SMO: variants seen among roughly 807,000 people sequenced by gnomAD.
The protein encoded by SMO is smoothened, frizzled class receptor.
SMO carries 40 observed loss-of-function variants against 81.6 expected under a neutral mutation model. The ratio of observed to expected loss-of-function variants is 0.49; its 90% CI spans 0.38 to 0.64. The LOEUF is 0.64. Ranked by LOEUF, SMO falls within the 30% of genes least tolerant of loss-of-function variation. The probability of loss-of-function intolerance (pLI) is 0.00; values close to 1 mark genes in which losing one functional copy is unlikely to be tolerated. For synonymous variants in SMO, 434 were observed against 432.1 expected, an observed-to-expected ratio of 1.00 and a Z score of -0.05; for missense variants, 916 against 1,061.1, an observed-to-expected ratio of 0.86 and a Z score of 1.90.
chr7:129,190,038 G>A (rs1237467516), intron 1 of SMO, among the ~76,000 whole-genome samples: 1 of 152,194 alleles, frequency 6.6e-6, no homozygotes, highest in African/African-American at 2.4e-5. Context: ...TTGGGAGACA[G>A]GAATGAAGCC....
At position 129,208,864 on chromosome 7, in the gene SMO, G is replaced by T; in HGVS notation, c.1357+13G>T. 1 of 1,596,636 alleles carries T rather than the reference G, an allele frequency of 6.3e-7. No homozygotes were observed. The highest frequency in any genetic ancestry group is 8.6e-7 in the Non-Finnish European group (1 of 1,165,630). ...ATGCTGCGCCTGGGTGAGTGGCCCC[G>T]GGGGACTTCGGTCTGAGGTCCTGGC... On this transcript the variant is annotated intron_variant, in intron 7 of 11. Coordinates refer to ENST00000249373, the MANE Select transcript of SMO (RefSeq NM_005631.5). This position sits in a 1 kb window ranked among gnomAD's most constrained non-coding sequence, Gnocchi z 5.2.
intron 1 of SMO, among the ~76,000 whole-genome samples, chr7:129,194,357 G>A (rs1197363034): frequency 6.6e-6 from 1 of 152,080 alleles, no homozygotes; most frequent in Non-Finnish European, 1.5e-5. Flanking sequence ...CATGTGTTCT[G>A]TGCCAGCTCA....
intron 1 of SMO, among the ~76,000 whole-genome samples, chr7:129,199,893 T>G (rs536118281): frequency 6.6e-6 from 1 of 152,236 alleles, no homozygotes; most frequent in African/African-American, 2.4e-5. Flanking sequence ...TGATCTGTTA[T>G]TTGTCTTTCG....
At chr7:129,201,841 C>T (rs772027139) in intron 1 of SMO, among the ~76,000 whole-genome samples, 16 of 151,932 alleles carry the variant, frequency 1.1e-4, no homozygotes, top group Non-Finnish European at 1.8e-4. Context: ...CCACCACGAC[C>T]GGCTAATTTT....
Position 129,205,697 on chromosome 7 carries a change from A to C in SMO, c.835A>C (p.Ile279Leu), listed in dbSNP as rs868692725. 1.2e-6 allele frequency: 2 copies of C among 1,613,566 alleles called. No homozygotes were observed. The highest frequency in any genetic ancestry group is 2.7e-5 in the African/African-American group (2 of 75,050). ...YVNACFFVGS[I>L]GWLAQFMDGA... ...CAATGCGTGCTTCTTTGTGGGCAGC[A>C]TTGGCTGGCTGGCCCAGTTCATGGA... Residue 279 changes from isoleucine (I) to leucine (L), a missense_variant, in exon 4 of 12, where the codon ATT becomes CTT. Physicochemically the swap from Ile to Leu is conservative, Grantham distance 5. Around this residue, in one of 4 missense-constraint regions of SMO, gnomAD observed 436 missense variants for 570.9 expected, o/e 0.76. Coordinates refer to ENST00000249373, the MANE Select transcript of SMO (RefSeq NM_005631.5).
chr7:129,196,878 A>G (rs1018089504), intron 1 of SMO, among the ~76,000 whole-genome samples: 3 of 151,922 alleles, frequency 2.0e-5, no homozygotes, highest in African/African-American at 4.8e-5. Flanking sequence ...TTAGTCGGGC[A>G]TGGTGGCGGG....
rs2150654731 is a variant in SMO at position 129,211,047 on chromosome 7, C to G, written c.1735C>G (p.Leu579Val). Residue 579 changes from leucine to valine, a missense_variant, in exon 10 of 12, where the codon CTC (leucine) becomes GTC (valine). Physicochemically the swap from Leu to Val is conservative, Grantham distance 32. Transcript: ENST00000249373. This position sits in a 1 kb window ranked among gnomAD's most constrained non-coding sequence, Gnocchi z 4.6. ...CAAGGCCTTCTCTAAGCGGCACGAGCTCCTGCAGAACCCAGGCCAGGAGCT... is the reference window on the plus strand; with the variant it reads ...CAAGGCCTTCTCTAAGCGGCACGAGGTCCTGCAGAACCCAGGCCAGGAGCT... ...IAKAFSKRHE[L>V]LQNPGQELSF... The G allele has an allele frequency of 6.2e-7, 1 of 1,614,050 alleles. No homozygotes were observed. The highest frequency in any genetic ancestry group is 8.5e-7 in the Non-Finnish European group (1 of 1,179,954).
chr7:129,189,120 C>G lies in SMO; in HGVS notation c.-32C>G. Reference sequence around the variant, plus strand: ...GGGCTCCGAGGAGCAGGCGGGGGCGCCGGGGCTTTTGCTGAGTTGGCGGGG... The same window carrying G: ...GGGCTCCGAGGAGCAGGCGGGGGCGGCGGGGCTTTTGCTGAGTTGGCGGGG... On this transcript the variant is annotated 5_prime_UTR_variant, in exon 1 of 12. Transcript: ENST00000249373. This position sits in a 1 kb window ranked among gnomAD's most constrained non-coding sequence, Gnocchi z 4.7. The G allele has an allele frequency of 8.3e-7, 1 of 1,204,024 alleles. No homozygotes were observed. Among genetic ancestry groups the G allele is most frequent in the Middle Eastern group, 3.2e-4 (1 of 3,106 alleles). The allele number at this position is 1,204,024 out of a possible 1,614,324, so 74.6% of individuals were successfully genotyped here. A position where few individuals can be genotyped will look rare whatever the true frequency, so the allele number is the denominator to read the frequency against.
intron 1 of SMO, among the ~76,000 whole-genome samples, chr7:129,192,325 C>T (rs950781770): frequency 1.3e-5 from 2 of 151,838 alleles, no homozygotes; most frequent in Non-Finnish European, 2.9e-5. Context: ...TGGATCAAAG[C>T]GTGTGAGGGG....
rs2150648241 is a variant in SMO at position 129,205,280 on chromosome 7, C to T, written c.615C>T (p.Ser205=). Residue 205 remains serine (S), a synonymous_variant, in exon 3 of 12, where the codon AGC becomes AGT. Transcript: ENST00000249373. ...TGGTTCGGACAGACAACCCCAAGAG[C>T]TGGTACGAGGACGTGGAGGGCTGCG... is the stretch of plus-strand genomic sequence containing the variant. The part of the protein sequence containing the change: ...VPLVRTDNPK[S]WYEDVEGCGI... 1 of 1,614,238 alleles carries T rather than the reference C, an allele frequency of 6.2e-7. No homozygotes were observed. The highest frequency in any genetic ancestry group is 2.2e-5 in the East Asian group (1 of 44,890).
Position 129,208,985 on chromosome 7 carries a change from T to A in SMO, c.1357+134T>A. ...CATAGGGACAAGGACAAGGGGTGTG[T>A]GTAGGTGGTAGTGGTAGTGGCAGCT... is the stretch of plus-strand genomic sequence containing the variant. On this transcript the variant is annotated intron_variant, in intron 7 of 11. Transcript: ENST00000249373. This position sits in a 1 kb window ranked among gnomAD's most constrained non-coding sequence, Gnocchi z 5.2. 1 of 670,990 alleles carries A rather than the reference T, an allele frequency of 1.5e-6. No homozygotes were observed. Among genetic ancestry groups the A allele is most frequent in the Non-Finnish European group, 2.7e-6 (1 of 374,212 alleles). The allele number at this position is 670,990 out of a possible 1,614,324, so 41.6% of individuals were successfully genotyped here.
chr7:129,193,758 C>CA lies in SMO; in HGVS notation c.331+4304dup, dbSNP rs35934044. On this transcript the variant is annotated intron_variant, in intron 1 of 11. Coordinates refer to ENST00000249373, the MANE Select transcript of SMO (RefSeq NM_005631.5). ...TGGGCGACAGACCGAGACTCCATCT[C>CA]AAAAAAAAAAAAAAAAAAAAAAAAA... is the stretch of plus-strand genomic sequence containing the variant. Among the ~76,000 whole-genome samples, 59 of 7,454 alleles carry CA rather than the reference C, an allele frequency of 7.9e-3. 11 individuals are homozygous for CA. The highest frequency in any genetic ancestry group is 0.03 in the East Asian group (2 of 66). 4.9% of individuals were successfully genotyped at this position (7,454 alleles called of 152,430 possible).
In SMO at chr7:129,189,241, G is replaced by A. The variant is rs1052880981; in HGVS notation, c.90G>A (p.Ala30=). 1.4e-5 allele frequency: 17 copies of A among 1,202,792 alleles called. No individual in the cohort carries two copies. The highest frequency in any genetic ancestry group is 4.3e-5 in the Admixed American group (1 of 23,162). 74.5% of individuals were successfully genotyped at this position (1,202,792 alleles called of 1,614,324 possible). ...TGCTGGGGGACCCGGGCCGGGGGGC[G>A]GCCTCGAGCGGGAACGCGACCGGGC... ...LLLLGDPGRG[A]ASSGNATGPG... The change falls in exon 1 of 12, where the codon GCG becomes GCA. Residue 30 remains alanine (A), a synonymous_variant. Coordinates refer to ENST00000249373, the MANE Select transcript of SMO (RefSeq NM_005631.5). The surrounding 1 kb of genome is among the most constrained non-coding windows in gnomAD (Gnocchi z 4.7).
In SMO at chr7:129,212,116, A is replaced by G. The variant is rs761036817; in HGVS notation, c.2029A>G (p.Lys677Glu). 1.3e-5 allele frequency: 21 copies of G among 1,569,534 alleles called. No individual in the cohort carries two copies. Among genetic ancestry groups the G allele is most frequent in the Non-Finnish European group, 1.8e-5 (21 of 1,158,614 alleles). The change falls in exon 12 of 12, where the codon AAG becomes GAG. Residue 677 changes from lysine to glutamate, a missense_variant. Lys to Glu is a moderately conservative substitution (Grantham distance 56, BLOSUM62 1). Transcript: ENST00000249373. This position sits in a 1 kb window ranked among gnomAD's most constrained non-coding sequence, Gnocchi z 5.0. Reference protein sequence around the residue: ...KRLGRKKKRRKRKKEVCPLAP... With the variant: ...KRLGRKKKRRERKKEVCPLAP... ...CCTGGGCCGGAAGAAGAAGAGGAGG[A>G]AGAGGAAGAAGGAGGTGTGCCCGCT...
rs147968994 is a variant in SMO at position 129,212,316 on chromosome 7, C to A, written c.2229C>A (p.Pro743=). The change falls in exon 12 of 12, where the codon CCC becomes CCA. Residue 743 remains proline, a synonymous_variant. Coordinates refer to ENST00000249373, the MANE Select transcript of SMO (RefSeq NM_005631.5). This position sits in a 1 kb window ranked among gnomAD's most constrained non-coding sequence, Gnocchi z 5.0. ...VSNPFCPEPS[P]PQDPFLPSAP... is the part of the protein sequence containing the mutation. ...ACCCATTCTGCCCAGAGCCCAGTCC[C>A]CCTCAGGATCCATTTCTGCCCAGTG... 56 of 1,614,068 alleles carry A rather than the reference C, an allele frequency of 3.5e-5. No homozygotes were observed. Among genetic ancestry groups the A allele is most frequent in the Non-Finnish European group, 4.5e-5 (53 of 1,180,034 alleles).
At chr7:129,201,773 T>C (rs1793674368) in intron 1 of SMO, among the ~76,000 whole-genome samples, 1 of 152,044 alleles carries the variant, frequency 6.6e-6, no homozygotes, top group Non-Finnish European at 1.5e-5. Context: ...CTCCACCTCC[T>C]AGGTTCAAGC....
At chr7:129,200,228 T>A (rs1040528509) in intron 1 of SMO, among the ~76,000 whole-genome samples, 1 of 151,958 alleles carries the variant, frequency 6.6e-6, no homozygotes, top group Non-Finnish European at 1.5e-5. Flanking sequence ...CCATCCTGGC[T>A]AACACGGTGA....
chr7:129,195,903 C>T (rs188018910), intron 1 of SMO, among the ~76,000 whole-genome samples: 156 of 152,022 alleles, frequency 1.0e-3, no homozygotes, highest in African/African-American at 3.5e-3. Context: ...AAGTCGAGAC[C>T]ATCCTGGCTA....
chr7:129,211,152 C>T lies in SMO; in HGVS notation c.1801+39C>T, dbSNP rs202007725. ...CTCCTCTACCGGAGCCGCCTGGCCCCGCGCTGCCCATGTGCTAGTCTCTCC... is the reference window on the plus strand; with the variant it reads ...CTCCTCTACCGGAGCCGCCTGGCCCTGCGCTGCCCATGTGCTAGTCTCTCC... On this transcript the variant is annotated intron_variant, in intron 10 of 11. Coordinates refer to ENST00000249373, the MANE Select transcript of SMO (RefSeq NM_005631.5). The surrounding 1 kb of genome is among the most constrained non-coding windows in gnomAD (Gnocchi z 4.6). The T allele has an allele frequency of 1.8e-3, 2,784 of 1,574,356 alleles. 7 individuals carry two copies. Among genetic ancestry groups the T allele is most frequent in the Non-Finnish European group, 2.1e-3 (2,454 of 1,159,766 alleles).
Sources: allele counts gnomAD v4.1 joint callset (sites outside exome capture counted in the v4.1 genomes callset), GRCh38; gene constraint gnomAD v4.1.1; regional missense constraint gnomAD v4.1.1; non-coding constraint Gnocchi (gnomAD v3.1); transcripts MANE v1.5; gene names NCBI Gene and HGNC (gene_info 2026-07-23, HGNC 2026-07-21).